The following ARPP21 variants were observed in gnomAD, a reference collection of about 807,000 sequenced individuals.
ARPP21 encodes cAMP regulated phosphoprotein 21.
In ARPP21, 69 loss-of-function variants were observed where a neutral mutation model predicts 113.2. That is an observed-to-expected ratio of 0.61 (90% CI 0.50 to 0.74). The LOEUF is 0.74. ARPP21 is among the 30% of genes least tolerant of loss of function. The probability of loss-of-function intolerance (pLI) is 0.00; values close to 1 mark genes in which losing one functional copy is unlikely to be tolerated. For synonymous variants in ARPP21, 368 were observed against 375.5 expected, an observed-to-expected ratio of 0.98 and a Z score of 0.23; for missense variants, 1,070 against 1,037.4, an observed-to-expected ratio of 1.03 and a Z score of -0.43.
intron 19 of ARPP21, among the ~76,000 whole-genome samples, chr3:35,758,475 T>C (rs2095650482): frequency 6.6e-6 from 1 of 151,938 alleles, no homozygotes; most frequent in Admixed American, 6.6e-5. Flanking sequence ...TTGTTAAAAA[T>C]GACACAATTC....
intron 1 of ARPP21, among the ~76,000 whole-genome samples, chr3:35,663,143 TA>T (rs1002191554): frequency 4.6e-5 from 7 of 151,112 alleles, no homozygotes; most frequent in South Asian, 2.1e-4. Context: ...TTGTACAAAT[TA>T]AAAAAAAATA....
chr3:35,649,106 A>C (rs1162061575), intron 1 of ARPP21, among the ~76,000 whole-genome samples: 1 of 152,330 alleles, frequency 6.6e-6, no homozygotes, highest in African/African-American at 2.4e-5. Context: ...TAGTGCTTGC[A>C]TGTGGCAGAT....
At chr3:35,706,190 A>G (rs2088924224) in intron 9 of ARPP21, among the ~76,000 whole-genome samples, 1 of 152,192 alleles carries the variant, frequency 6.6e-6, no homozygotes, top group Admixed American at 6.5e-5. Context: ...GGATGAACCC[A>G]AGTCCAGATC....
At chr3:35,734,273 A>C (rs2094195981) in intron 15 of ARPP21, among the ~76,000 whole-genome samples, 1 of 152,350 alleles carries the variant, frequency 6.6e-6, no homozygotes, top group Admixed American at 6.5e-5. Flanking sequence ...TAGAACACTA[A>C]ATGGACTTAC....
intron 1 of ARPP21, among the ~76,000 whole-genome samples, chr3:35,657,194 A>G (rs887304596): frequency 1.3e-5 from 2 of 152,106 alleles, no homozygotes; most frequent in African/African-American, 4.8e-5. Context: ...ACTAACTGTG[A>G]AAAACTGACA....
chr3:35,667,540 A>G (rs2074695002), intron 1 of ARPP21, among the ~76,000 whole-genome samples: 2 of 152,096 alleles, frequency 1.3e-5, no homozygotes, highest in Non-Finnish European at 2.9e-5. Context: ...TCACTTTCAG[A>G]TTCTTCTCAA....
chr3:35,643,408 T>C (rs1362724444), intron 1 of ARPP21, among the ~76,000 whole-genome samples: 2 of 152,098 alleles, frequency 1.3e-5, no homozygotes, highest in Non-Finnish European at 2.9e-5. Context: ...TGTTTGTTTG[T>C]CTTTTTGACT....
At chr3:35,751,012 G>A (rs781286198) in intron 19 of ARPP21, among the ~76,000 whole-genome samples, 2 of 152,064 alleles carry the variant, frequency 1.3e-5, no homozygotes, top group African/African-American at 2.4e-5. Flanking sequence ...GAAGTTGACC[G>A]TTTACAAAGG....
intron 1 of ARPP21, among the ~76,000 whole-genome samples, chr3:35,645,342 C>A (rs1291450845): frequency 6.6e-6 from 1 of 151,758 alleles, no homozygotes; most frequent in Non-Finnish European, 1.5e-5. Context: ...AAGATAATTG[C>A]AAATAAAATT....
chr3:35,739,682 C>A (rs147872551), intron 18 of ARPP21, 105 bp downstream of exon 18: 19,172 of 1,399,764 alleles, frequency 0.014, 176 homozygotes, highest in Non-Finnish European at 0.016. Flanking sequence ...TCTTCCCTTT[C>A]TAGTCTATAT....
chr3:35,701,010 G>C (rs1301730781), intron 9 of ARPP21, among the ~76,000 whole-genome samples: 1 of 151,608 alleles, frequency 6.6e-6, no homozygotes, highest in Admixed American at 6.6e-5. Flanking sequence ...ATGTACCCTA[G>C]AGTTTTTGAA....
chr3:35,691,384 T>A (rs2082188785), intron 9 of ARPP21, among the ~76,000 whole-genome samples: 1 of 151,688 alleles, frequency 6.6e-6, no homozygotes, highest in African/African-American at 2.4e-5. Flanking sequence ...TTATTTTCTT[T>A]CTTCTTTCTT....
chr3:35,784,865 A>G (rs2096598012), intron 19 of ARPP21: 1 of 151,772 alleles, frequency 6.6e-6, no homozygotes. Flanking sequence ...AGTTGCAGTG[A>G]CAGGTGGATT....
rs62259470 is a variant in ARPP21 at position 35,681,678 on chromosome 3, G to T, written c.-38-36G>T. Reference sequence around the variant, plus strand: ...TCTAAAGAATGATAGTAAATACCTTGCACTGACTTTATTTTCTGATATCTT... The same window carrying T: ...TCTAAAGAATGATAGTAAATACCTTTCACTGACTTTATTTTCTGATATCTT... On this transcript the variant is annotated intron_variant, in intron 2 of 20. Coordinates refer to ENST00000684406, the MANE Select transcript of ARPP21 (RefSeq NM_001385562.1). 3.2e-5 allele frequency: 35 copies of T among 1,107,628 alleles called. 1 individual carries two copies. The highest frequency in any genetic ancestry group is 3.0e-4 in the Admixed American group (15 of 49,794). 68.6% of individuals were successfully genotyped at this position (1,107,628 alleles called of 1,614,324 possible).
At chr3:35,741,619 G>A (rs1390517953) in intron 18 of ARPP21, among the ~76,000 whole-genome samples, 1 of 152,174 alleles carries the variant, frequency 6.6e-6, no homozygotes, top group East Asian at 1.9e-4. Flanking sequence ...ATTTGAAGAA[G>A]GGAAATGGGA....
intron 9 of ARPP21, among the ~76,000 whole-genome samples, chr3:35,697,361 T>G (rs746524054): frequency 6.6e-6 from 1 of 151,716 alleles, no homozygotes; most frequent in African/African-American, 2.4e-5. Flanking sequence ...CAAGGACATA[T>G]CCAGTGATCC....
At chr3:35,778,288 C>A (rs61223544) in intron 19 of ARPP21, among the ~76,000 whole-genome samples, 2,391 of 152,226 alleles carry the variant, frequency 0.016, 59 homozygotes, top group African/African-American at 0.053. Context: ...ATCCATCTCT[C>A]CTGACCCCAT....
At chr3:35,653,453 T>C (rs1018602646) in intron 1 of ARPP21, among the ~76,000 whole-genome samples, 4 of 152,054 alleles carry the variant, frequency 2.6e-5, no homozygotes, top group African/African-American at 9.7e-5. Flanking sequence ...AAATTAATTT[T>C]TGAAACTGCC....
intron 9 of ARPP21, among the ~76,000 whole-genome samples, chr3:35,706,704 A>G (rs1459079054): frequency 6.6e-6 from 1 of 152,240 alleles, no homozygotes; most frequent in Non-Finnish European, 1.5e-5. Flanking sequence ...TCTATACAAT[A>G]TATACAGGCA....
Sources: gnomAD v4.1 joint callset for allele counts (sites outside exome capture counted in the v4.1 genomes callset) on GRCh38, gnomAD v4.1.1 for gene constraint, MANE v1.5 for transcripts, NCBI Gene and HGNC (gene_info 2026-07-23, HGNC 2026-07-21) for gene names.